Variants in ZMIZ1 observed in about 807,000 individuals in gnomAD.
The protein encoded by ZMIZ1 is zinc finger MIZ-type containing 1, also known as zinc finger MIZ domain-containing protein 1.
ZMIZ1 carries 17 observed loss-of-function variants against 113.9 expected under a neutral mutation model. That is an observed-to-expected ratio of 0.15 (90% CI 0.10 to 0.22). ZMIZ1 has a LOEUF of 0.22. Ranked by LOEUF, ZMIZ1 falls within the 10% of genes least tolerant of loss-of-function variation. The pLI is 1.00. For missense variants in ZMIZ1, 1,059 were observed against 1,477.8 expected (o/e 0.72, Z 4.65); for synonymous variants, 607 against 603.1 (o/e 1.01, Z -0.09).
In ZMIZ1 at chr10:79,304,181, C is replaced by T. The variant is rs766789367; in HGVS notation, c.2286+6C>T. The T allele has an allele frequency of 4.2e-5, 67 of 1,610,468 alleles. No homozygotes were observed. Among genetic ancestry groups the T allele is most frequent in the Non-Finnish European group, 5.0e-5 (59 of 1,177,500 alleles). ...ACGATTGCAAGCATGTGCAGGTGAG[C>T]GGCCCCAGAAAGCACAGCTCTGGCA... On this transcript the variant is annotated splice_donor_region_variant and intron_variant, in intron 19 of 24. Coordinates refer to ENST00000334512, the MANE Select transcript of ZMIZ1 (RefSeq NM_020338.4).
At chr10:79,271,394 C>T (rs1403846813) in intron 7 of ZMIZ1, among the ~76,000 whole-genome samples, 1 of 152,166 alleles carries the variant, frequency 6.6e-6, no homozygotes, top group Non-Finnish European at 1.5e-5. Flanking sequence ...TATGGCTACC[C>T]TAGGAGATGA....
At chr10:79,304,387 G>C (rs1427515569) in intron 19 of ZMIZ1, among the ~76,000 whole-genome samples, 1 of 152,244 alleles carries the variant, frequency 6.6e-6, no homozygotes, top group Non-Finnish European at 1.5e-5. Flanking sequence ...ACAGAAATGG[G>C]TTCGGACAGC....
At chr10:79,289,408 C>T (rs1853313033) in intron 8 of ZMIZ1, among the ~76,000 whole-genome samples, 1 of 152,136 alleles carries the variant, frequency 6.6e-6, no homozygotes, top group Admixed American at 6.5e-5. Context: ...GGAGCCCAGG[C>T]TCTTCCTAAA....
intron 1 of ZMIZ1, among the ~76,000 whole-genome samples, chr10:79,113,493 A>AC (rs1843840165): frequency 6.6e-6 from 1 of 152,092 alleles, no homozygotes; most frequent in Non-Finnish European, 1.5e-5. Context: ...GCCTGGCCTG[A>AC]ATGTGACTGG....
At chr10:79,127,579 G>A (rs983478543) in intron 2 of ZMIZ1, among the ~76,000 whole-genome samples, 1 of 152,146 alleles carries the variant, frequency 6.6e-6, no homozygotes, top group Non-Finnish European at 1.5e-5. Flanking sequence ...GGGGTGGGGA[G>A]GTGGGTGGCG....
chr10:79,247,344 G>A (rs1389619576), intron 7 of ZMIZ1, among the ~76,000 whole-genome samples: 1 of 152,192 alleles, frequency 6.6e-6, no homozygotes, highest in East Asian at 1.9e-4. Flanking sequence ...CCTCGGGGAA[G>A]CTCACAGTGT....
chr10:79,244,809 C>T (rs1270134445), intron 7 of ZMIZ1, among the ~76,000 whole-genome samples: 1 of 152,148 alleles, frequency 6.6e-6, no homozygotes, highest in African/African-American at 2.4e-5. Context: ...AAAGGCCGTG[C>T]CATCCTGAAG....
At position 79,115,745 on chromosome 10, in the gene ZMIZ1, G is replaced by A. The variant is rs545498379; in HGVS notation, c.-336-3170G>A. 2.6e-4 allele frequency among the ~76,000 whole-genome samples: 39 copies of A among 152,334 alleles called. No homozygotes were observed. The South Asian group carries it at 7.9e-3, about 31-fold the overall frequency. ...GTGGGGGCGAGAGGCCCTTAGAGGG[G>A]TGGCCAGGCCAAGGCCCTGGCTTTA... On this transcript the variant is annotated intron_variant, in intron 1 of 24. Transcript: ENST00000334512.
chr10:79,232,965 A>T (rs1319181764), intron 7 of ZMIZ1, among the ~76,000 whole-genome samples: 2 of 152,176 alleles, frequency 1.3e-5, no homozygotes, highest in African/African-American at 4.8e-5. Context: ...GGTTCCATGA[A>T]TGCCTGGGGA....
rs995220341 is a variant in ZMIZ1, at chr10:79,069,994, G to A, written c.-337+724G>A. On this transcript the variant is annotated intron_variant, in intron 1 of 24. Coordinates refer to ENST00000334512, the MANE Select transcript of ZMIZ1 (RefSeq NM_020338.4). This position sits in a 1 kb window ranked among gnomAD's most constrained non-coding sequence, Gnocchi z 4.6. ...CCCCGGCCAGGAGGGGAGCCCAGGG[G>A]GAAGATGTGCGTGTGTGTGCGCGCG... is the stretch of plus-strand genomic sequence containing the variant. 5.3e-5 allele frequency among the ~76,000 whole-genome samples: 8 copies of A among 151,986 alleles called. No individual in the cohort carries two copies. Among genetic ancestry groups the A allele is most frequent in the African/African-American group, 1.9e-4 (8 of 41,406 alleles).
At chr10:79,097,164 G>A (rs1182982768) in intron 1 of ZMIZ1, among the ~76,000 whole-genome samples, 2 of 152,194 alleles carry the variant, frequency 1.3e-5, no homozygotes, top group Non-Finnish European at 2.9e-5. Flanking sequence ...GGACATGCCT[G>A]TATCTGCTGG....
At chr10:79,197,647 T>C (rs2132638579) in intron 4 of ZMIZ1, among the ~76,000 whole-genome samples, 2 of 128,894 alleles carry the variant, frequency 1.6e-5, no homozygotes, top group East Asian at 2.9e-4. Flanking sequence ...CACACACCTG[T>C]ACCCTGTCCC....
intron 1 of ZMIZ1, among the ~76,000 whole-genome samples, chr10:79,114,004 G>A (rs908256211): frequency 2.6e-5 from 4 of 152,188 alleles, no homozygotes; most frequent in African/African-American, 9.7e-5. Flanking sequence ...AAGAGGAGGC[G>A]GGAGTTTGCA....
At chr10:79,164,389 T>C (rs566354514) in intron 4 of ZMIZ1, among the ~76,000 whole-genome samples, 165 of 152,022 alleles carry the variant, frequency 1.1e-3, no homozygotes, top group Middle Eastern at 3.4e-3. Context: ...AGTGGCCCCA[T>C]TGATATTCTG....
intron 4 of ZMIZ1, among the ~76,000 whole-genome samples, chr10:79,173,273 A>G (rs975622562): frequency 2.6e-5 from 4 of 152,224 alleles, no homozygotes; most frequent in Non-Finnish European, 4.4e-5. Flanking sequence ...TTCTTAAAAC[A>G]TGATGAGATT....
rs1282254207 is a variant in ZMIZ1 at position 79,313,834 on chromosome 10, T to A, written c.*1085T>A. On this transcript the variant is annotated 3_prime_UTR_variant, in exon 25 of 25. Transcript: ENST00000334512. The stretch of plus-strand genomic sequence containing the variant: ...CACCCACTTCCCTCTGTCCTAGTTC[T>A]CTTTGTCCAATCAGATGGCAAGGGC... 1.1e-5 allele frequency: 4 copies of A among 357,340 alleles called. No individual in the cohort carries two copies. The highest frequency in any genetic ancestry group is 2.1e-5 in the African/African-American group (1 of 46,744). 22.1% of individuals were successfully genotyped at this position (357,340 alleles called of 1,614,324 possible).
chr10:79,131,360 C>A (rs1479655566), intron 2 of ZMIZ1, among the ~76,000 whole-genome samples: 2 of 152,086 alleles, frequency 1.3e-5, no homozygotes, highest in Admixed American at 1.3e-4. Flanking sequence ...GGGGGTGGCA[C>A]TGGGGCTCAG....
chr10:79,148,644 G>A (rs902215741), intron 3 of ZMIZ1, among the ~76,000 whole-genome samples: 2 of 122,624 alleles, frequency 1.6e-5, no homozygotes, highest in Admixed American at 1.5e-4. Flanking sequence ...ATTCTGGGCC[G>A]GGGTTTTTAA....
intron 4 of ZMIZ1, among the ~76,000 whole-genome samples, chr10:79,180,228 TGCACACCCAA>T (rs960936926): frequency 2.6e-5 from 4 of 152,100 alleles, no homozygotes; most frequent in Admixed American, 1.3e-4. Flanking sequence ...TGCCAGGCTG[TGCACACCCAA>T]GCACACCCGT....
Sources: allele counts gnomAD v4.1 joint callset (sites outside exome capture counted in the v4.1 genomes callset), GRCh38; gene constraint gnomAD v4.1.1; non-coding constraint Gnocchi (gnomAD v3.1); transcripts MANE v1.5; gene names NCBI Gene and HGNC (gene_info 2026-07-23, HGNC 2026-07-21).